The following CHST2 variants were observed in gnomAD, a reference collection of about 807,000 sequenced individuals.
The protein encoded by CHST2 is carbohydrate sulfotransferase 2.
Under a neutral mutation model 34.6 loss-of-function variants are expected in CHST2, and 23 were observed. The observed-to-expected ratio is 0.67, with a 90% CI of 0.48 to 0.94. The LOEUF (loss-of-function observed/expected upper bound fraction) is 0.94. Among genes scored for constraint, CHST2 ranks in the 40% least tolerant of loss-of-function variants. The probability of loss-of-function intolerance (pLI) is 0.00; values close to 1 mark genes in which losing one functional copy is unlikely to be tolerated. For synonymous variants in CHST2, 392 were observed against 343.1 expected (o/e 1.14, Z -1.58); for missense variants, 720 against 759.5 (o/e 0.95, Z 0.61).
In CHST2 at chr3:143,121,158, C is replaced by T. The variant is rs958180344; in HGVS notation, c.342C>T (p.Pro114=). Residue 114 remains proline, a synonymous_variant, in exon 2 of 2, where the codon CCC becomes CCT. Transcript: ENST00000309575. ...GRPGPPPAGP[P]RAHARLDLRT... is the part of the protein sequence containing the mutation. ...CAGGGCCGCCTCCGGCCGGGCCGCC[C>T]CGTGCTCATGCCCGTTTGGACCTCC... 1.5e-5 allele frequency: 22 copies of T among 1,471,126 alleles called. No individual in the cohort carries two copies. Among genetic ancestry groups the T allele is most frequent in the Non-Finnish European group, 2.0e-5 (22 of 1,122,692 alleles). The allele number at this position is 1,471,126 out of a possible 1,614,324, so 91.1% of individuals were successfully genotyped here.
rs765541141 is a variant in CHST2, at chr3:143,122,225, T to C, written c.1409T>C (p.Val470Ala). 1.2e-6 allele frequency: 2 copies of C among 1,614,012 alleles called. No individual in the cohort carries two copies. The highest frequency in any genetic ancestry group is 1.7e-5 in the Admixed American group (1 of 60,012). The change falls in exon 2 of 2, where the codon GTG becomes GCG. Residue 470 changes from valine (V) to alanine (A), a missense_variant. Val to Ala is a moderately conservative substitution (Grantham distance 64). Transcript: ENST00000309575. ...SGSGSSSKPF[V>A]VSARNATQAA... is the part of the protein sequence containing the mutation. ...TCGGGCTCCTCCTCCAAGCCTTTCG[T>C]GGTATCTGCACGCAATGCCACGCAG...
In CHST2 at chr3:143,122,138, A is replaced by G. The variant is rs754652696; in HGVS notation, c.1322A>G (p.Asp441Gly). The G allele has an allele frequency of 6.2e-7, 1 of 1,614,134 alleles. No individual in the cohort carries two copies. The highest frequency in any genetic ancestry group is 1.1e-5 in the South Asian group (1 of 91,088). ...DPVKTLRRVY[D>G]FVGLLVSPEM... ...GTCAAGACACTACGGAGAGTGTACG[A>G]TTTTGTGGGACTGTTGGTGAGCCCC... Residue 441 changes from aspartate to glycine, a missense_variant, in exon 2 of 2, where the codon GAT becomes GGT. Asp to Gly is a moderately conservative substitution (Grantham distance 94, BLOSUM62 -1). Transcript: ENST00000309575.
Position 143,122,125 on chromosome 3 carries a change from C to T in CHST2, c.1309C>T (p.Arg437Trp), listed in dbSNP as rs1042624925. 3.1e-6 allele frequency: 5 copies of T among 1,614,074 alleles called. No individual in the cohort carries two copies. The highest frequency in any genetic ancestry group is 2.7e-5 in the African/African-American group (2 of 74,932). The change falls in exon 2 of 2, where the codon CGG becomes TGG. Residue 437 changes from arginine to tryptophan, a missense_variant. Around this residue, in one of 4 missense-constraint regions of CHST2, gnomAD observed 224 missense variants for 227.8 expected, o/e 0.98. Transcript: ENST00000309575. ...DLVGDPVKTL[R>W]RVYDFVGLLV... ...GGTGGGAGACCCCGTCAAGACACTA[C>T]GGAGAGTGTACGATTTTGTGGGACT...
rs913249380 is a variant in CHST2, at chr3:143,119,796, G to A, written c.-919G>A. On this transcript the variant is annotated 5_prime_UTR_variant, in exon 1 of 2. Transcript: ENST00000309575. ...GCAGAGGCTGGTCCGAGCGCGTTGC[G>A]GGCGCCCGGCGTAAGGGGAGTCGGG... The A allele has an allele frequency of 3.3e-5, 5 of 152,248 alleles. No homozygotes were observed. Among genetic ancestry groups the A allele is most frequent in the African/African-American group, 1.2e-4 (5 of 41,562 alleles). The allele number at this position is 152,248 out of a possible 1,614,324, so 9.4% of individuals were successfully genotyped here. A position where few individuals can be genotyped will look rare whatever the true frequency, so the allele number is the denominator to read the frequency against.
rs1420617152 is a variant in CHST2 at position 143,120,174 on chromosome 3, C to T, written c.-541C>T. 2 of 152,520 alleles carry T rather than the reference C, an allele frequency of 1.3e-5. No individual in the cohort carries two copies. 9.4% of individuals were successfully genotyped at this position (152,520 alleles called of 1,614,324 possible). A position where few individuals can be genotyped will look rare whatever the true frequency, so the allele number is the denominator to read the frequency against. On this transcript the variant is annotated 5_prime_UTR_variant, in exon 1 of 2. Coordinates refer to ENST00000309575, the MANE Select transcript of CHST2 (RefSeq NM_004267.5). This position sits in a 1 kb window ranked among gnomAD's most constrained non-coding sequence, Gnocchi z 4.1. ...GCCGAAAGCGAGAGGGGCTGCGCCG[C>T]TATGCCGGGAGCTGAGTCCCATATA...
chr3:143,123,503 T>C lies in CHST2; in HGVS notation c.*1094T>C, dbSNP rs1176553642. The C allele has an allele frequency of 2.0e-5, 3 of 152,188 alleles. No homozygotes were observed. Among genetic ancestry groups the C allele is most frequent in the Admixed American group, 1.3e-4 (2 of 15,286 alleles). The allele number at this position is 152,188 out of a possible 1,614,324, so 9.4% of individuals were successfully genotyped here. A position where few individuals can be genotyped will look rare whatever the true frequency, so the allele number is the denominator to read the frequency against. On this transcript the variant is annotated 3_prime_UTR_variant, in exon 2 of 2. Transcript: ENST00000309575. Reference sequence around the variant, plus strand: ...GGTTTAGCAAAGTGACAGAAGTATCTATTTGGAGTGTTTTTCTGACCCTGA... The same window carrying C: ...GGTTTAGCAAAGTGACAGAAGTATCCATTTGGAGTGTTTTTCTGACCCTGA...
Position 143,121,810 on chromosome 3 carries a change from C to T in CHST2, c.994C>T (p.Arg332Cys), listed in dbSNP as rs1936226672. Residue 332 changes from arginine to cysteine, a missense_variant, in exon 2 of 2, where the codon CGT (arginine) becomes TGT (cysteine). Arg to Cys is a radical substitution (Grantham distance 180, BLOSUM62 -3). Coordinates refer to ENST00000309575, the MANE Select transcript of CHST2 (RefSeq NM_004267.5). The part of the protein sequence containing the change: ...ALDLKVIHLV[R>C]DPRAVASSRI... ...GGACCTCAAGGTCATCCACTTGGTG[C>T]GTGATCCCCGCGCGGTGGCGAGTTC... 2 of 1,602,760 alleles carry T rather than the reference C, an allele frequency of 1.2e-6. No homozygotes were observed. Among genetic ancestry groups the T allele is most frequent in the Non-Finnish European group, 8.5e-7 (1 of 1,173,722 alleles).
At position 143,123,878 on chromosome 3, in the gene CHST2, ATGT is replaced by A. The variant is rs1310903448; in HGVS notation, c.*1473_*1475del. ...GTTACATTTTCCTGTAGTGGTTATGATGTTGTGTCCTGAACCCATTTGGTACTG... is the reference window on the plus strand; with the variant it reads ...GTTACATTTTCCTGTAGTGGTTATGATGTGTCCTGAACCCATTTGGTACTG... On this transcript the variant is annotated 3_prime_UTR_variant, in exon 2 of 2. Coordinates refer to ENST00000309575, the MANE Select transcript of CHST2 (RefSeq NM_004267.5). The A allele has an allele frequency of 1.3e-5, 2 of 152,194 alleles. No individual in the cohort carries two copies. The allele number at this position is 152,194 out of a possible 1,614,324, so 9.4% of individuals were successfully genotyped here. A position where few individuals can be genotyped will look rare whatever the true frequency, so the allele number is the denominator to read the frequency against.
Position 143,122,518 on chromosome 3 carries a change from A to AT in CHST2, c.*111dup. 1.9e-6 allele frequency: 2 copies of AT among 1,075,666 alleles called. No homozygotes were observed. The highest frequency in any genetic ancestry group is 5.5e-5 in the East Asian group (2 of 36,550). 66.6% of individuals were successfully genotyped at this position (1,075,666 alleles called of 1,614,324 possible). A position where few individuals can be genotyped will look rare whatever the true frequency, so the allele number is the denominator to read the frequency against. ...CAAACGGAGGAAGCCCACATATTCT[A>AT]TTATAGATATATAAATAATCACACA... On this transcript the variant is annotated 3_prime_UTR_variant, in exon 2 of 2. Coordinates refer to ENST00000309575, the MANE Select transcript of CHST2 (RefSeq NM_004267.5).
chr3:143,122,370 A>G lies in CHST2; in HGVS notation c.1554A>G (p.Lys518=). 1.9e-6 allele frequency: 3 copies of G among 1,611,208 alleles called. No individual in the cohort carries two copies. The highest frequency in any genetic ancestry group is 2.5e-6 in the Non-Finnish European group (3 of 1,178,844). Residue 518 remains lysine, a synonymous_variant, in exon 2 of 2, where the codon AAA becomes AAG. Transcript: ENST00000309575. ...GGGTCAACAGCCCTGAGGAGGTCAAAGACCTCAGCAAGACCCTGCTTCGGA... is the reference window on the plus strand; with the variant it reads ...GGGTCAACAGCCCTGAGGAGGTCAAGGACCTCAGCAAGACCCTGCTTCGGA... ...YERVNSPEEV[K]DLSKTLLRKP...
At position 143,123,857 on chromosome 3, in the gene CHST2, C is replaced by CCAAAAAATTTGGT. The variant is rs750516391; in HGVS notation, c.*1448_*1449insCAAAAAATTTGGT. Reference sequence around the variant, plus strand: ...GTATTTTCCAGGGAGAAAACCGTTACATTTTCCTGTAGTGGTTATGATGTT... The same window carrying CCAAAAAATTTGGT: ...GTATTTTCCAGGGAGAAAACCGTTACCAAAAAATTTGGTATTTTCCTGTAGTGGTTATGATGTT... On this transcript the variant is annotated 3_prime_UTR_variant, in exon 2 of 2. Coordinates refer to ENST00000309575, the MANE Select transcript of CHST2 (RefSeq NM_004267.5). 3 of 152,172 alleles carry CCAAAAAATTTGGT rather than the reference C, an allele frequency of 2.0e-5. No individual in the cohort carries two copies. The highest frequency in any genetic ancestry group is 6.5e-5 in the Admixed American group (1 of 15,286). 9.4% of individuals were successfully genotyped at this position (152,172 alleles called of 1,614,324 possible).
rs1390894982 is a variant in CHST2 at position 143,121,183 on chromosome 3, C to A, written c.367C>A (p.Arg123Ser). The A allele has an allele frequency of 6.5e-6, 10 of 1,539,694 alleles. No individual in the cohort carries two copies. The highest frequency in any genetic ancestry group is 8.7e-6 in the Non-Finnish European group (10 of 1,149,580). ...PPRAHARLDL[R>S]TPYRPPAAAV... ...CCGTGCTCATGCCCGTTTGGACCTC[C>A]GCACTCCTTACCGCCCTCCCGCTGC... The change falls in exon 2 of 2, where the codon CGC (arginine) becomes AGC (serine). Residue 123 changes from arginine (R) to serine (S), a missense_variant. Physicochemically the swap from Arg to Ser is moderately radical, Grantham distance 110 (BLOSUM62 -1). Around this residue, in one of 4 missense-constraint regions of CHST2, gnomAD observed 287 missense variants for 242.7 expected, o/e 1.18. Coordinates refer to ENST00000309575, the MANE Select transcript of CHST2 (RefSeq NM_004267.5).
Position 143,120,703 on chromosome 3 carries a change from G to A in CHST2, c.-114G>A. ...CCTTGGGCGCTGGGGACCAGCCGCC[G>A]CGCCCGCCTCGGAGTCGCGGCCCGA... On this transcript the variant is annotated 5_prime_UTR_variant, in exon 2 of 2. Coordinates refer to ENST00000309575, the MANE Select transcript of CHST2 (RefSeq NM_004267.5). This position sits in a 1 kb window ranked among gnomAD's most constrained non-coding sequence, Gnocchi z 4.1. 2 of 1,037,846 alleles carry A rather than the reference G, an allele frequency of 1.9e-6. No homozygotes were observed. The highest frequency in any genetic ancestry group is 2.4e-6 in the Non-Finnish European group (2 of 830,232). 64.3% of individuals were successfully genotyped at this position (1,037,846 alleles called of 1,614,324 possible). A position where few individuals can be genotyped will look rare whatever the true frequency, so the allele number is the denominator to read the frequency against.
Position 143,121,556 on chromosome 3 carries a change from T to C in CHST2, c.740T>C (p.Leu247Pro). ...AGCGGGGGGCGCAACCTCACCACGC[T>C]GGGCATCTTCGGCGCAGCCACCAAC... Reference protein sequence around the residue: ...AGSGGRNLTTLGIFGAATNKV... With the variant: ...AGSGGRNLTTPGIFGAATNKV... Residue 247 changes from leucine (L) to proline (P), a missense_variant, in exon 2 of 2, where the codon CTG (leucine) becomes CCG (proline). Transcript: ENST00000309575. 1 of 1,610,426 alleles carries C rather than the reference T, an allele frequency of 6.2e-7. No individual in the cohort carries two copies. Among genetic ancestry groups the C allele is most frequent in the Non-Finnish European group, 8.5e-7 (1 of 1,178,182 alleles).
chr3:143,120,791 C>G lies in CHST2; in HGVS notation c.-26C>G. 8.2e-7 allele frequency: 1 copy of G among 1,225,720 alleles called. No individual in the cohort carries two copies. The highest frequency in any genetic ancestry group is 1.0e-6 in the Non-Finnish European group (1 of 986,304). 75.9% of individuals were successfully genotyped at this position (1,225,720 alleles called of 1,614,324 possible). On this transcript the variant is annotated 5_prime_UTR_variant, in exon 2 of 2. Transcript: ENST00000309575. The surrounding 1 kb of genome is among the most constrained non-coding windows in gnomAD (Gnocchi z 4.1). The stretch of plus-strand genomic sequence containing the variant: ...CCGGGCTGCAGGGCTGCCTCCGCCG[C>G]GCCGCCGGCCCGGATTGTGCCTGTG...
chr3:143,120,990 G>A lies in CHST2; in HGVS notation c.174G>A (p.Leu58=). Residue 58 remains leucine, a synonymous_variant, in exon 2 of 2, where the codon TTG becomes TTA. Transcript: ENST00000309575. The surrounding 1 kb of genome is among the most constrained non-coding windows in gnomAD (Gnocchi z 4.1). ...MKVFRRKALV[L]CAGYALLLVL... is the part of the protein sequence containing the mutation. ...TGTTCCGTAGGAAGGCGCTGGTGTT[G>A]TGCGCGGGCTATGCACTGCTGCTGG... The A allele has an allele frequency of 6.5e-7, 1 of 1,544,562 alleles. No individual in the cohort carries two copies. Among genetic ancestry groups the A allele is most frequent in the Non-Finnish European group, 8.7e-7 (1 of 1,146,514 alleles).
chr3:143,121,649 G>A lies in CHST2; in HGVS notation c.833G>A (p.Arg278His), dbSNP rs759156156. ...RKEVVGLVDD[R>H]VCKKCPPQRL... ...GAGGTCGTGGGGTTGGTGGACGACC[G>A]CGTGTGCAAGAAGTGCCCGCCACAG... Residue 278 changes from arginine to histidine, a missense_variant, in exon 2 of 2, where the codon CGC (arginine) becomes CAC (histidine). Physicochemically the swap from Arg to His is conservative, Grantham distance 29 (BLOSUM62 0). Transcript: ENST00000309575. 25 of 1,568,048 alleles carry A rather than the reference G, an allele frequency of 1.6e-5. No homozygotes were observed. The highest frequency in any genetic ancestry group is 2.1e-5 in the Non-Finnish European group (24 of 1,152,238).
In CHST2 at chr3:143,120,891, G is replaced by T; in HGVS notation, c.75G>T (p.Ala25=). The T allele has an allele frequency of 6.8e-7, 1 of 1,469,950 alleles. No homozygotes were observed. Among genetic ancestry groups the T allele is most frequent in the Non-Finnish European group, 9.0e-7 (1 of 1,111,766 alleles). 91.1% of individuals were successfully genotyped at this position (1,469,950 alleles called of 1,614,324 possible). ...TGCTCCAGGCTGCGCCTGCAGCCGC[G>T]CCGCGTGCCCTGCTCCCGCAGTGGC... ...PRLLQAAPAA[A]PRALLPQWPR... Residue 25 remains alanine, a synonymous_variant, in exon 2 of 2, where the codon GCG becomes GCT. Coordinates refer to ENST00000309575, the MANE Select transcript of CHST2 (RefSeq NM_004267.5). The surrounding 1 kb of genome is among the most constrained non-coding windows in gnomAD (Gnocchi z 4.1).
rs773185873 is a variant in CHST2, at chr3:143,122,528, T to C, written c.*119T>C. 3.2e-5 allele frequency: 33 copies of C among 1,022,172 alleles called. No homozygotes were observed. The highest frequency in any genetic ancestry group is 4.4e-5 in the Non-Finnish European group (32 of 728,668). 63.3% of individuals were successfully genotyped at this position (1,022,172 alleles called of 1,614,324 possible). A position where few individuals can be genotyped will look rare whatever the true frequency, so the allele number is the denominator to read the frequency against. On this transcript the variant is annotated 3_prime_UTR_variant, in exon 2 of 2. Coordinates refer to ENST00000309575, the MANE Select transcript of CHST2 (RefSeq NM_004267.5). The stretch of plus-strand genomic sequence containing the variant: ...AAGCCCACATATTCTATTATAGATA[T>C]ATAAATAATCACACACACACTTGCT...
Sources: allele counts gnomAD v4.1 joint callset, GRCh38; gene constraint gnomAD v4.1.1; regional missense constraint gnomAD v4.1.1; non-coding constraint Gnocchi (gnomAD v3.1); transcripts MANE v1.5; gene names NCBI Gene and HGNC (gene_info 2026-07-23, HGNC 2026-07-21).